EHBP1: variants seen among roughly 807,000 people sequenced by gnomAD.
EHBP1 encodes EH domain-binding protein 1.
Under a neutral mutation model 144.0 loss-of-function variants are expected in EHBP1, and 55 were observed. The ratio of observed to expected loss-of-function variants is 0.38; its 90% CI spans 0.31 to 0.48. The LOEUF is 0.48. Among genes scored for constraint, EHBP1 ranks in the 20% least tolerant of loss-of-function variants. The probability of loss-of-function intolerance (pLI) is 0.98; values close to 1 mark genes in which losing one functional copy is unlikely to be tolerated. For synonymous variants in EHBP1, 469 were observed against 472.7 expected (o/e 0.99, Z 0.10); for missense variants, 1,200 against 1,364.2 (o/e 0.88, Z 1.90).
At chr2:62,883,940 A>G (rs920691092) in intron 10 of EHBP1, among the ~76,000 whole-genome samples, 1 of 152,126 alleles carries the variant, frequency 6.6e-6, no homozygotes, top group African/African-American at 2.4e-5. Context: ...ACTGCACTCC[A>G]GCCGGTATGG....
chr2:62,793,508 G>A (rs1482588263), intron 5 of EHBP1, among the ~76,000 whole-genome samples: 1 of 152,012 alleles, frequency 6.6e-6, no homozygotes, highest in African/African-American at 2.4e-5. Flanking sequence ...GTTGAGTTTG[G>A]AAGTAGATTT....
At chr2:62,748,740 TG>T (rs1374343975) in intron 3 of EHBP1, among the ~76,000 whole-genome samples, 1 of 152,178 alleles carries the variant, frequency 6.6e-6, no homozygotes, top group East Asian at 1.9e-4. Context: ...TATTGAATGT[TG>T]GTTTTTCTAC....
chr2:62,904,097 A>G (rs1428788588), intron 10 of EHBP1, among the ~76,000 whole-genome samples: 1 of 152,222 alleles, frequency 6.6e-6, no homozygotes, highest in East Asian at 1.9e-4. Context: ...ACCATAAAAT[A>G]TGATATAGAG....
At chr2:62,757,426 C>CTTTTTTTTTTTTT (rs555494268) in intron 3 of EHBP1, among the ~76,000 whole-genome samples, 26 of 113,036 alleles carry the variant, frequency 2.3e-4, no homozygotes, top group East Asian at 5.0e-4. Context: ...TTTTTTTTTT[C>CTTTTTTTTTTTTT]TTTTTTTTTT....
intron 10 of EHBP1, among the ~76,000 whole-genome samples, chr2:62,911,898 T>C (rs1286256626): frequency 1.3e-5 from 2 of 152,174 alleles, no homozygotes; most frequent in African/African-American, 4.8e-5. Context: ...CTCCCAAAAT[T>C]TATGGAGATT....
intron 2 of EHBP1, among the ~76,000 whole-genome samples, chr2:62,724,723 T>C (rs968343097): frequency 6.6e-6 from 1 of 152,096 alleles, no homozygotes; most frequent in African/African-American, 2.4e-5. Flanking sequence ...TACCAGTCTA[T>C]GGCCTGTTGG....
At chr2:62,784,407 T>C (rs1170625408) in intron 5 of EHBP1, among the ~76,000 whole-genome samples, 2 of 152,136 alleles carry the variant, frequency 1.3e-5, no homozygotes, top group African/African-American at 4.8e-5. Flanking sequence ...CTTCCTAACA[T>C]TGGGGATATG....
chr2:62,948,721 T>G lies in EHBP1; in HGVS notation c.1875T>G (p.Ser625=). 6.2e-7 allele frequency: 1 copy of G among 1,614,118 alleles called. No individual in the cohort carries two copies. ...DTEPQKSQQS[S]GRTSGSDDPG... The stretch of plus-strand genomic sequence containing the variant: ...AACCCCAGAAGTCTCAGCAGAGCTC[T>G]GGAAGGACTTCAGGATCTGATGACC... The change falls in exon 13 of 23, where the codon TCT becomes TCG. Residue 625 remains serine (S), a synonymous_variant. Coordinates refer to ENST00000431489, the MANE Select transcript of EHBP1 (RefSeq NM_001142616.3).
intron 2 of EHBP1, among the ~76,000 whole-genome samples, chr2:62,727,885 A>G (rs1320514280): frequency 2.0e-5 from 3 of 152,162 alleles, no homozygotes; most frequent in Non-Finnish European, 4.4e-5. Context: ...CGCAAGGGAG[A>G]CAGCAGAGGT....
At chr2:62,985,549 C>T (rs1333344068) in intron 15 of EHBP1, among the ~76,000 whole-genome samples, 3 of 152,136 alleles carry the variant, frequency 2.0e-5, no homozygotes, top group African/African-American at 7.2e-5. Flanking sequence ...AAAAGTTAAA[C>T]TTCCCATTCT....
intron 8 of EHBP1, among the ~76,000 whole-genome samples, chr2:62,862,606 G>A (rs914073193): frequency 6.6e-5 from 10 of 151,874 alleles, no homozygotes; most frequent in African/African-American, 2.4e-4. Context: ...CAACAAGAGC[G>A]AAACTCCATC....
At chr2:63,028,649 AC>A (rs1002945783) in intron 19 of EHBP1, among the ~76,000 whole-genome samples, 6 of 152,192 alleles carry the variant, frequency 3.9e-5, no homozygotes, top group African/African-American at 1.4e-4. Flanking sequence ...CTTTGGAGAA[AC>A]CCTTTATTGG....
At chr2:62,908,696 G>A (rs956175676) in intron 10 of EHBP1, among the ~76,000 whole-genome samples, 1 of 151,822 alleles carries the variant, frequency 6.6e-6, no homozygotes, top group African/African-American at 2.4e-5. Context: ...ATTTAGTCTC[G>A]AGTACTTGTA....
intron 5 of EHBP1, among the ~76,000 whole-genome samples, chr2:62,789,197 A>G (rs1473383390): frequency 2.6e-5 from 4 of 152,220 alleles, no homozygotes; most frequent in African/African-American, 7.2e-5. Flanking sequence ...GTGAGACTGC[A>G]TAGCCATTTC....
At chr2:62,920,165 TAC>T (rs2054958780) in intron 10 of EHBP1, among the ~76,000 whole-genome samples, 1 of 152,152 alleles carries the variant, frequency 6.6e-6, no homozygotes, top group African/African-American at 2.4e-5. Flanking sequence ...CAAAAAGTCC[TAC>T]ACTAAAACTC....
intron 4 of EHBP1, among the ~76,000 whole-genome samples, chr2:62,769,702 A>G (rs375173831): frequency 3.9e-5 from 6 of 152,100 alleles, no homozygotes; most frequent in African/African-American, 1.4e-4. Context: ...AGCCAAGGCA[A>G]TCCTAAGCCA....
intron 10 of EHBP1, among the ~76,000 whole-genome samples, chr2:62,882,349 A>G (rs1396060940): frequency 6.6e-6 from 1 of 152,218 alleles, no homozygotes; most frequent in Non-Finnish European, 1.5e-5. Flanking sequence ...GATGGTAGAA[A>G]TATAAGGCAA....
chr2:62,978,060 AG>A (rs1273728383), intron 14 of EHBP1, among the ~76,000 whole-genome samples: 1 of 152,182 alleles, frequency 6.6e-6, no homozygotes, highest in African/African-American at 2.4e-5. Flanking sequence ...GGAGATGTTA[AG>A]GGGAGATAAC....
intron 13 of EHBP1, among the ~76,000 whole-genome samples, chr2:62,951,124 T>A (rs989774657): frequency 1.3e-5 from 2 of 152,218 alleles, no homozygotes; most frequent in African/African-American, 4.8e-5. Context: ...TCTGGAGTTA[T>A]GTTTCTTTCT....
Sources: allele counts gnomAD v4.1 joint callset (sites outside exome capture counted in the v4.1 genomes callset), GRCh38; gene constraint gnomAD v4.1.1; transcripts MANE v1.5; gene names NCBI Gene and HGNC (gene_info 2026-07-23, HGNC 2026-07-21).